The following MRPL19 variants were observed in gnomAD, a reference collection of about 807,000 sequenced individuals.
The protein encoded by MRPL19 is mitochondrial ribosomal protein L19, also known as large ribosomal subunit protein bL19m.
A neutral mutation model predicts 34.0 loss-of-function variants in MRPL19; 31 were observed. That is an observed-to-expected ratio of 0.91 (90% CI 0.68 to 1.23). The LOEUF is 1.23. MRPL19 is among the 50% of genes most tolerant of loss of function. MRPL19 has a pLI of 0.00. For synonymous variants in MRPL19, 152 were observed against 127.7 expected, an observed-to-expected ratio of 1.19 and a Z score of -1.28; for missense variants, 384 against 367.6, an observed-to-expected ratio of 1.04 and a Z score of -0.37.
rs1433635289 is a variant in MRPL19, at chr2:75,655,381, T to C, written c.*96T>C. 6 of 850,522 alleles carry C rather than the reference T, an allele frequency of 7.1e-6. No homozygotes were observed. The highest frequency in any genetic ancestry group is 3.6e-4 in the Middle Eastern group (1 of 2,794). 52.7% of individuals were successfully genotyped at this position (850,522 alleles called of 1,614,324 possible). On this transcript the variant is annotated 3_prime_UTR_variant, in exon 6 of 6. Coordinates refer to ENST00000393909, the MANE Select transcript of MRPL19 (RefSeq NM_014763.4). ...AATTTCATTTATAAGAACATAGTAA[T>C]TAAGTGAACTAAGCATTCATTGTTT...
Position 75,654,890 on chromosome 2 carries a change from G to A in MRPL19, c.630G>A (p.Glu210=), listed in dbSNP as rs766599040. ...TGAATATGAAGCCAGTAGTACAAGAGCCTAACCAAAAAGTTCCTGTTAATG... is the reference window on the plus strand; with the variant it reads ...TGAATATGAAGCCAGTAGTACAAGAACCTAACCAAAAAGTTCCTGTTAATG... The part of the protein sequence containing the change: ...FDVNMKPVVQ[E]PNQKVPVNEL... The change falls in exon 5 of 6, where the codon GAG becomes GAA. Residue 210 remains glutamate, a synonymous_variant. Transcript: ENST00000393909. The A allele has an allele frequency of 2.5e-6, 4 of 1,613,374 alleles. No homozygotes were observed. Among genetic ancestry groups the A allele is most frequent in the Non-Finnish European group, 2.5e-6 (3 of 1,179,784 alleles).
chr2:75,651,619 C>T (rs1678334496), intron 2 of MRPL19: 4 of 373,884 alleles, frequency 1.1e-5, no homozygotes, highest in South Asian at 6.5e-5. Flanking sequence ...GCACCATCTC[C>T]AGGGCCATCT....
At position 75,654,883 on chromosome 2, in the gene MRPL19, T is replaced by C. The variant is rs767477501; in HGVS notation, c.623T>C (p.Val208Ala). Reference protein sequence around the residue: ...STFDVNMKPVVQEPNQKVPVN... With the variant: ...STFDVNMKPVAQEPNQKVPVN... ...TTTGATGTGAATATGAAGCCAGTAGTACAAGAGCCTAACCAAAAAGTTCCT... is the reference window on the plus strand; with the variant it reads ...TTTGATGTGAATATGAAGCCAGTAGCACAAGAGCCTAACCAAAAAGTTCCT... The change falls in exon 5 of 6, where the codon GTA becomes GCA. Residue 208 changes from valine (V) to alanine (A), a missense_variant. Physicochemically the swap from Val to Ala is moderately conservative, Grantham distance 64. Transcript: ENST00000393909. 1.2e-6 allele frequency: 2 copies of C among 1,613,572 alleles called. No homozygotes were observed. The highest frequency in any genetic ancestry group is 2.2e-5 in the South Asian group (2 of 91,032).
chr2:75,655,215 T>C lies in MRPL19; in HGVS notation c.809T>C (p.Met270Thr). ...CAGCCATGGCTTGAATTTGATATGA[T>C]GAGGGAATATGATACTTCAAAAATT... ...WNQPWLEFDM[M>T]REYDTSKIEA... Residue 270 changes from methionine to threonine, a missense_variant, in exon 6 of 6, where the codon ATG (methionine) becomes ACG (threonine). Coordinates refer to ENST00000393909, the MANE Select transcript of MRPL19 (RefSeq NM_014763.4). 1 of 1,613,474 alleles carries C rather than the reference T, an allele frequency of 6.2e-7. No homozygotes were observed. Among genetic ancestry groups the C allele is most frequent in the African/African-American group, 1.3e-5 (1 of 74,920 alleles).
rs1197101411 is a variant in MRPL19 at position 75,659,536 on chromosome 2, T to C, written c.*4251T>C. Among the ~76,000 whole-genome samples the C allele has an allele frequency of 6.6e-6, 1 of 152,186 alleles. No individual in the cohort carries two copies. The highest frequency in any genetic ancestry group is 1.5e-5 in the Non-Finnish European group (1 of 68,008). On this transcript the variant is annotated 3_prime_UTR_variant, in exon 6 of 6. Coordinates refer to ENST00000393909, the MANE Select transcript of MRPL19 (RefSeq NM_014763.4). ...CATTTCGGCCCAAAGGATTCCCTTA[T>C]GCATTTCTTGCAGGGCAAGTCTAAT...
In MRPL19 at chr2:75,655,534, A is replaced by G; in HGVS notation, c.*249A>G. On this transcript the variant is annotated 3_prime_UTR_variant, in exon 6 of 6. Coordinates refer to ENST00000393909, the MANE Select transcript of MRPL19 (RefSeq NM_014763.4). ...GCAAAGCTACAATAGAAGTCAGAGC[A>G]TCACCAGAATGGTCTTTAATGAGCA... The G allele has an allele frequency of 2.7e-6, 1 of 365,554 alleles. No homozygotes were observed. Among genetic ancestry groups the G allele is most frequent in the Admixed American group, 4.4e-5 (1 of 22,884 alleles). 22.6% of individuals were successfully genotyped at this position (365,554 alleles called of 1,614,324 possible). A position where few individuals can be genotyped will look rare whatever the true frequency, so the allele number is the denominator to read the frequency against.
At chr2:75,653,498 T>C (rs1678373938) in intron 4 of MRPL19, among the ~76,000 whole-genome samples, 1 of 152,212 alleles carries the variant, frequency 6.6e-6, no homozygotes. Context: ...AACTGTGAGA[T>C]ACTGTATTTG....
rs892934008 is a variant in MRPL19 at position 75,655,279 on chromosome 2, G to A, written c.873G>A (p.Arg291=). 3 of 1,610,012 alleles carry A rather than the reference G, an allele frequency of 1.9e-6. No homozygotes were observed. The highest frequency in any genetic ancestry group is 2.5e-6 in the Non-Finnish European group (3 of 1,177,768). The part of the protein sequence containing the change: ...AIWKEIEASK[R]S ...GGAAGGAAATTGAAGCGTCGAAAAG[G>A]TCTTGATTCTGAGAATGAATTTGGT... is the stretch of plus-strand genomic sequence containing the variant. Residue 291 remains arginine, a synonymous_variant, in exon 6 of 6, where the codon AGG becomes AGA. Transcript: ENST00000393909.
At chr2:75,649,375 A>T (rs1678283516) in intron 2 of MRPL19, among the ~76,000 whole-genome samples, 1 of 152,130 alleles carries the variant, frequency 6.6e-6, no homozygotes, top group African/African-American at 2.4e-5. Flanking sequence ...CCCAACACAA[A>T]TCTGTAAACT....
rs1263878470 is a variant in MRPL19 at position 75,660,924 on chromosome 2, G to C, written c.*5639G>C. ...CAGCTTTTTCTCACAGAACATAGAT[G>C]GTTTTTTGGATATCTTGACCATAGT... On this transcript the variant is annotated 3_prime_UTR_variant, in exon 6 of 6. Transcript: ENST00000393909. 6.6e-6 allele frequency: 1 copy of C among 152,146 alleles called. No homozygotes were observed. Among genetic ancestry groups the C allele is most frequent in the Non-Finnish European group, 1.5e-5 (1 of 68,028 alleles). The allele number at this position is 152,146 out of a possible 1,614,324, so 9.4% of individuals were successfully genotyped here. A position where few individuals can be genotyped will look rare whatever the true frequency, so the allele number is the denominator to read the frequency against.
intron 2 of MRPL19, among the ~76,000 whole-genome samples, chr2:75,651,092 C>T (rs1678322607): frequency 6.6e-6 from 1 of 152,178 alleles, no homozygotes; most frequent in South Asian, 2.1e-4. Flanking sequence ...GCCTTAAGAA[C>T]TTTCTAGAGG....
Position 75,655,240 on chromosome 2 carries a change from T to G in MRPL19, c.834T>G (p.Ile278Met), listed in dbSNP as rs1343278108. Reference protein sequence around the residue: ...DMMREYDTSKIEAAIWKEIEA... With the variant: ...DMMREYDTSKMEAAIWKEIEA... ...TGAGGGAATATGATACTTCAAAAAT[T>G]GAAGCTGCAATATGGAAGGAAATTG... Residue 278 changes from isoleucine (I) to methionine (M), a missense_variant, in exon 6 of 6, where the codon ATT becomes ATG. Coordinates refer to ENST00000393909, the MANE Select transcript of MRPL19 (RefSeq NM_014763.4). 1 of 1,613,382 alleles carries G rather than the reference T, an allele frequency of 6.2e-7. No individual in the cohort carries two copies. Among genetic ancestry groups the G allele is most frequent in the African/African-American group, 1.3e-5 (1 of 74,854 alleles).
intron 5 of MRPL19, 54 bp downstream of exon 5, chr2:75,654,971 A>T: frequency 6.5e-7 from 1 of 1,543,678 alleles, no homozygotes; most frequent in Non-Finnish European, 8.7e-7. Flanking sequence ...AGAAAGAAAG[A>T]ATCATCTTAA....
chr2:75,655,026 ATTGCT>A (rs1558720953), intron 5 of MRPL19, 33 bp from the exon 6 acceptor site: 5 of 1,114,538 alleles, frequency 4.5e-6, no homozygotes, highest in Non-Finnish European at 5.1e-6. Context: ...CAGCCTAATT[ATTGCT>A]TTTTTTTTTT....
chr2:75,657,453 T>C lies in MRPL19; in HGVS notation c.*2168T>C, dbSNP rs1444198830. 2.0e-5 allele frequency: 3 copies of C among 152,314 alleles called. No individual in the cohort carries two copies. The highest frequency in any genetic ancestry group is 3.4e-3 in the Middle Eastern group (1 of 294). 9.4% of individuals were successfully genotyped at this position (152,314 alleles called of 1,614,324 possible). A position where few individuals can be genotyped will look rare whatever the true frequency, so the allele number is the denominator to read the frequency against. On this transcript the variant is annotated 3_prime_UTR_variant, in exon 6 of 6. Coordinates refer to ENST00000393909, the MANE Select transcript of MRPL19 (RefSeq NM_014763.4). Reference sequence around the variant, plus strand: ...CCTTGATCTTTTTCACTAATGATTATATAGTCATCTAACTACTGTCAACAA... The same window carrying C: ...CCTTGATCTTTTTCACTAATGATTACATAGTCATCTAACTACTGTCAACAA...
At position 75,651,171 on chromosome 2, in the gene MRPL19, G is replaced by C. The variant is rs1013414884; in HGVS notation, c.222-971G>C. 8.3e-6 allele frequency: 3 copies of C among 361,600 alleles called. No homozygotes were observed. The East Asian group carries it at 2.2e-4, about 27-fold the overall frequency. The allele number at this position is 361,600 out of a possible 1,614,324, so 22.4% of individuals were successfully genotyped here. On this transcript the variant is annotated intron_variant, in intron 2 of 5. Coordinates refer to ENST00000393909, the MANE Select transcript of MRPL19 (RefSeq NM_014763.4). ...AGGTGCATCCCTGGGCCATGGATAG[G>C]AAAATCAGCATCCTACTTTCTCTTC...
chr2:75,651,465 A>G, intron 2 of MRPL19: 1 of 532,926 alleles, frequency 1.9e-6, no homozygotes, highest in Non-Finnish European at 3.8e-6. Context: ...CATCAAAGGA[A>G]GAGCTAGTGC....
Position 75,657,090 on chromosome 2 carries a change from TTTC to T in MRPL19, c.*1806_*1808del, listed in dbSNP as rs1455759961. On this transcript the variant is annotated 3_prime_UTR_variant, in exon 6 of 6. Transcript: ENST00000393909. ...GGGTATTCAATATAGTGTATTTTTT[TTTC>T]ATTTAAAATTGTTTGCGCATCTATT... is the stretch of plus-strand genomic sequence containing the variant. The T allele has an allele frequency of 1.5e-4, 23 of 152,190 alleles. No individual in the cohort carries two copies. The highest frequency in any genetic ancestry group is 5.5e-4 in the African/African-American group (23 of 41,470). The allele number at this position is 152,190 out of a possible 1,614,324, so 9.4% of individuals were successfully genotyped here.
At chr2:75,650,336 T>G (rs1052645958) in intron 2 of MRPL19, among the ~76,000 whole-genome samples, 8 of 152,312 alleles carry the variant, frequency 5.3e-5, no homozygotes, top group South Asian at 2.1e-4. Flanking sequence ...TTTGTAAGAC[T>G]TACACAATTT....
Sources: allele counts gnomAD v4.1 joint callset (sites outside exome capture counted in the v4.1 genomes callset), GRCh38; gene constraint gnomAD v4.1.1; transcripts MANE v1.5; gene names NCBI Gene and HGNC (gene_info 2026-07-23, HGNC 2026-07-21).